Variants in PWP1 observed in about 807,000 individuals in gnomAD.
PWP1 encodes the protein periodic tryptophan protein 1 homolog.
Under a neutral mutation model 69.9 loss-of-function variants are expected in PWP1, and 47 were observed. The observed-to-expected ratio is 0.67, with a 90% CI of 0.53 to 0.86. PWP1 has a LOEUF of 0.86. Among genes scored for constraint, PWP1 ranks in the 40% least tolerant of loss-of-function variants. The probability of loss-of-function intolerance (pLI) is 0.00; values close to 1 mark genes in which losing one functional copy is unlikely to be tolerated. For missense variants in PWP1, 551 were observed against 608.8 expected, an observed-to-expected ratio of 0.91 and a Z score of 1.00; for synonymous variants, 222 against 208.2, an observed-to-expected ratio of 1.07 and a Z score of -0.57.
intron 11 of PWP1, among the ~76,000 whole-genome samples, chr12:107,705,124 G>A (rs944722958): frequency 1.3e-5 from 2 of 151,936 alleles, no homozygotes; most frequent in Admixed American, 1.3e-4. Context: ...GATCTCTAGT[G>A]ATGAGAATGC....
Position 107,697,458 on chromosome 12 carries a change from C to G in PWP1, c.614-9C>G. The G allele has an allele frequency of 1.9e-6, 3 of 1,567,854 alleles. No homozygotes were observed. Among genetic ancestry groups the G allele is most frequent in the African/African-American group, 1.4e-5 (1 of 72,496 alleles). ...TGTGTAATCATACATGCATTGTTTC[C>G]TCCCATAGGAAATTACATTGCTGTA... On this transcript the variant is annotated splice_polypyrimidine_tract_variant and intron_variant, in intron 6 of 14. Transcript: ENST00000412830.
At chr12:107,711,755 C>G (rs751937492) in intron 14 of PWP1, among the ~76,000 whole-genome samples, 4 of 151,936 alleles carry the variant, frequency 2.6e-5, no homozygotes, top group Non-Finnish European at 5.9e-5. Flanking sequence ...TGTGTGAGTC[C>G]TAAGTCCGAA....
At position 107,695,030 on chromosome 12, in the gene PWP1, C is replaced by T. The variant is rs774867825; in HGVS notation, c.503-1444C>T. Among the ~76,000 whole-genome samples the T allele has an allele frequency of 5.3e-5, 8 of 150,380 alleles. No individual in the cohort carries two copies. The South Asian group carries it at 1.0e-3, about 20-fold the overall frequency. Reference sequence around the variant, plus strand: ...CAGCAATTTGGGAGGCCAAGGCGGGCGGATCACGAGTTCAGGAGATCGAGA... The same window carrying T: ...CAGCAATTTGGGAGGCCAAGGCGGGTGGATCACGAGTTCAGGAGATCGAGA... On this transcript the variant is annotated intron_variant, in intron 5 of 14. Transcript: ENST00000412830.
chr12:107,711,783 T>G (rs1001963609), intron 14 of PWP1, among the ~76,000 whole-genome samples: 3 of 152,056 alleles, frequency 2.0e-5, no homozygotes, highest in African/African-American at 7.2e-5. Context: ...GTGCCGGTTA[T>G]GATCAGAGAA....
At chr12:107,686,774 G>A (rs1329805076) in intron 1 of PWP1, among the ~76,000 whole-genome samples, 1 of 152,136 alleles carries the variant, frequency 6.6e-6, no homozygotes, top group East Asian at 1.9e-4. Flanking sequence ...AGAGCATCCT[G>A]GCTAACACGG....
rs1181196135 is a variant in PWP1 at position 107,704,747 on chromosome 12, G to C, written c.1077G>C (p.Leu359Phe). Residue 359 changes from leucine to phenylalanine, a missense_variant and splice_region_variant, in exon 11 of 15, where the codon TTG (leucine) becomes TTC (phenylalanine). Leu to Phe is a conservative substitution (Grantham distance 22). Transcript: ENST00000412830. ...TWNHFSPCHF[L>F]ASTDDGFVYN... ...ATCACTTTTCACCTTGTCATTTCTT[G>C]GTAAGAGTACGAATGTTGTTGTTTT... is the stretch of plus-strand genomic sequence containing the variant. The C allele has an allele frequency of 1.9e-6, 3 of 1,611,638 alleles. No individual in the cohort carries two copies. Among genetic ancestry groups the C allele is most frequent in the South Asian group, 1.1e-5 (1 of 91,018 alleles).
intron 8 of PWP1, among the ~76,000 whole-genome samples, chr12:107,700,896 T>TA (rs1426005629): frequency 1.5e-5 from 2 of 133,786 alleles, no homozygotes; most frequent in Non-Finnish European, 3.6e-5. Flanking sequence ...TAATTTGCAT[T>TA]TCCCCCCCTT....
At position 107,696,954 on chromosome 12, in the gene PWP1, C is replaced by T. The variant is rs371892765; in HGVS notation, c.613+370C>T. On this transcript the variant is annotated intron_variant, in intron 6 of 14. Transcript: ENST00000412830. ...TGTTTTAGAAAACATAAGCTAAAAC[C>T]GAAATGAAGAGGCTTGTCACAAGTA... is the stretch of plus-strand genomic sequence containing the variant. Among the ~76,000 whole-genome samples the T allele has an allele frequency of 6.6e-5, 10 of 152,100 alleles. No individual in the cohort carries two copies. In the East Asian group the frequency reaches 9.6e-4, roughly 15 times the overall value.
rs536225150 is a variant in PWP1, at chr12:107,698,647, C to T, written c.745-726C>T. Among the ~76,000 whole-genome samples, 25 of 152,242 alleles carry T rather than the reference C, an allele frequency of 1.6e-4. No individual in the cohort carries two copies. The South Asian group carries it at 2.1e-3, about 13-fold the overall frequency. On this transcript the variant is annotated intron_variant, in intron 7 of 14. Transcript: ENST00000412830. ...CTCCCAAGACTGGAGTGCAGTGGCA[C>T]GATTATAGTTCACTGCAGCCTGAAA...
intron 11 of PWP1, among the ~76,000 whole-genome samples, chr12:107,706,450 TAGACATG>T (rs1889825654): frequency 6.6e-6 from 1 of 152,256 alleles, no homozygotes; most frequent in Admixed American, 6.5e-5. Flanking sequence ...TTTGGTGTTT[TAGACATG>T]AAGTCCTTGT....
chr12:107,703,592 G>C, intron 9 of PWP1, 93 bp from the exon 10 acceptor site: 1 of 1,095,996 alleles, frequency 9.1e-7, no homozygotes, highest in Non-Finnish European at 1.4e-6. Flanking sequence ...CGCATTTATA[G>C]AAATACTGTC....
At chr12:107,710,353 A>G (rs1889923407) in intron 13 of PWP1, 52 bp from the exon 14 acceptor site, 1 of 1,602,704 alleles carries the variant, frequency 6.2e-7, no homozygotes, top group Admixed American at 1.7e-5. Flanking sequence ...GGATCTAGAT[A>G]TTAGCGCTTT....
At chr12:107,708,819 G>T (rs751772588) in intron 11 of PWP1, 107 bp from the exon 12 acceptor site, 2 of 1,012,476 alleles carry the variant, frequency 2.0e-6, no homozygotes, top group Admixed American at 4.7e-5. Context: ...TTTTTCATAA[G>T]TTCCACCAGT....
intron 8 of PWP1, among the ~76,000 whole-genome samples, chr12:107,700,229 G>T (rs984610497): frequency 2.0e-5 from 3 of 152,172 alleles, no homozygotes; most frequent in Non-Finnish European, 4.4e-5. Context: ...CCATTTTTAA[G>T]TGTGCAGTTC....
At chr12:107,704,902 A>G (rs1009588819) in intron 11 of PWP1, among the ~76,000 whole-genome samples, 155 bp downstream of exon 11, 28 of 152,294 alleles carry the variant, frequency 1.8e-4, no homozygotes, top group Non-Finnish European at 5.9e-5. Context: ...TTTTTAAATA[A>G]GAGAACGGCT....
At chr12:107,703,838 C>A in intron 10 of PWP1, 92 bp downstream of exon 10, 1 of 1,153,998 alleles carries the variant, frequency 8.7e-7, no homozygotes. Context: ...CAGAATGTAT[C>A]CTTGAGGCCA....
intron 3 of PWP1, 135 bp downstream of exon 3, chr12:107,688,937 A>C: frequency 1.1e-6 from 1 of 883,892 alleles, no homozygotes; most frequent in Non-Finnish European, 1.7e-6. Flanking sequence ...AGACTTGGGC[A>C]GACAGCATGA....
intron 5 of PWP1, among the ~76,000 whole-genome samples, chr12:107,695,282 T>C (rs191474391): frequency 1.3e-5 from 2 of 151,968 alleles, no homozygotes; most frequent in Non-Finnish European, 2.9e-5. Flanking sequence ...AAAAAAGTTA[T>C]TACCAATTTT....
chr12:107,688,305 T>C (rs1593140103), intron 1 of PWP1, 143 bp from the exon 2 acceptor site: 1 of 580,122 alleles, frequency 1.7e-6, no homozygotes, highest in Non-Finnish European at 2.9e-6. Context: ...TTTTTTAATA[T>C]AGAGTCTGGA....
Sources: gnomAD v4.1 joint callset for allele counts (sites outside exome capture counted in the v4.1 genomes callset) on GRCh38, gnomAD v4.1.1 for gene constraint, MANE v1.5 for transcripts, NCBI Gene and HGNC (gene_info 2026-07-23, HGNC 2026-07-21) for gene names.